B4GALNT3: variants seen among roughly 807,000 people sequenced by gnomAD.
B4GALNT3 encodes the protein beta-1,4-N-acetyl-galactosaminyltransferase 3, also known as beta-1,4-N-acetylgalactosaminyltransferase 3.
Under a neutral mutation model 120.2 loss-of-function variants are expected in B4GALNT3, and 86 were observed. That is an observed-to-expected ratio of 0.72 (90% CI 0.60 to 0.86). The LOEUF is 0.86. B4GALNT3 is among the 40% of genes least tolerant of loss of function. The pLI, the probability that B4GALNT3 is intolerant of heterozygous loss-of-function variation, is 0.00. For missense variants in B4GALNT3, 1,167 were observed against 1,298.9 expected (o/e 0.90, Z 1.56); for synonymous variants, 518 against 510.4 (o/e 1.01, Z -0.20).
chr12:550,074 T>C lies in B4GALNT3; in HGVS notation c.997+162T>C, dbSNP rs1947061109. Among the ~76,000 whole-genome samples the C allele has an allele frequency of 1.3e-5, 2 of 152,254 alleles. No homozygotes were observed. The highest frequency in any genetic ancestry group is 6.5e-5 in the Admixed American group (1 of 15,292). On this transcript the variant is annotated intron_variant, in intron 10 of 19. Coordinates refer to ENST00000266383, the MANE Select transcript of B4GALNT3 (RefSeq NM_173593.4). The surrounding 1 kb of genome is among the most constrained non-coding windows in gnomAD (Gnocchi z 4.1). The stretch of plus-strand genomic sequence containing the variant: ...GAACATGCATACAGAAAAGAGAGCA[T>C]GTAAATAAGTATAAAATATTTACGT...
Position 460,332 on chromosome 12 carries a change from G to T in B4GALNT3, c.-45G>T. 9.9e-7 allele frequency: 1 copy of T among 1,012,626 alleles called. No homozygotes were observed. Among genetic ancestry groups the T allele is most frequent in the South Asian group, 4.5e-5 (1 of 22,258 alleles). 62.7% of individuals were successfully genotyped at this position (1,012,626 alleles called of 1,614,324 possible). ...GGCCCGGCCGGGGGGCGGCGGCTCGGGGGGTTGGAGCCCGCGCTGGCGGCG... is the reference window on the plus strand; with the variant it reads ...GGCCCGGCCGGGGGGCGGCGGCTCGTGGGGTTGGAGCCCGCGCTGGCGGCG... On this transcript the variant is annotated 5_prime_UTR_variant, in exon 1 of 20. Coordinates refer to ENST00000266383, the MANE Select transcript of B4GALNT3 (RefSeq NM_173593.4). This position sits in a 1 kb window ranked among gnomAD's most constrained non-coding sequence, Gnocchi z 8.0.
At chr12:517,060 A>G (rs1418701211) in intron 1 of B4GALNT3, among the ~76,000 whole-genome samples, 3 of 152,134 alleles carry the variant, frequency 2.0e-5, no homozygotes, top group Admixed American at 2.0e-4. Flanking sequence ...GGGAGGAAAA[A>G]TCAAGAGTTA....
chr12:560,905 G>A (rs1392294590), intron 19 of B4GALNT3, among the ~76,000 whole-genome samples: 2 of 152,122 alleles, frequency 1.3e-5, no homozygotes, highest in Non-Finnish European at 2.9e-5. Flanking sequence ...TCTCAGTGCA[G>A]CAGCCCTGCC....
At chr12:484,674 A>G (rs1946273235) in intron 1 of B4GALNT3, among the ~76,000 whole-genome samples, 1 of 152,146 alleles carries the variant, frequency 6.6e-6, no homozygotes, top group South Asian at 2.1e-4. Context: ...GAACACAGCT[A>G]AGCAATGACC....
chr12:510,495 G>A (rs1946536996), intron 1 of B4GALNT3, among the ~76,000 whole-genome samples: 1 of 113,870 alleles, frequency 8.8e-6, no homozygotes, highest in Non-Finnish European at 2.2e-5. Flanking sequence ...TGGGCTGGGA[G>A]GGAAACGGGC....
chr12:498,266 A>G (rs548859778), intron 1 of B4GALNT3, among the ~76,000 whole-genome samples: 1 of 151,974 alleles, frequency 6.6e-6, no homozygotes, highest in African/African-American at 2.4e-5. Context: ...CTGAGAGGTG[A>G]TTTTGAATGA....
At chr12:544,683 G>A (rs1454571189) in intron 4 of B4GALNT3, among the ~76,000 whole-genome samples, 199 bp from the exon 5 acceptor site, 1 of 152,164 alleles carries the variant, frequency 6.6e-6, no homozygotes, top group Non-Finnish European at 1.5e-5. Context: ...ACCATGTACA[G>A]TTGTGCTGGT....
At chr12:528,649 ACT>A (rs1946779256) in intron 1 of B4GALNT3, among the ~76,000 whole-genome samples, 2 of 151,668 alleles carry the variant, frequency 1.3e-5, no homozygotes, top group South Asian at 4.2e-4. Flanking sequence ...TTCACCCCTG[ACT>A]CTCTGTGCCA....
intron 1 of B4GALNT3, among the ~76,000 whole-genome samples, chr12:486,812 TA>T (rs78342695): frequency 0.11 from 16,059 of 152,174 alleles, 992 homozygotes; most frequent in East Asian, 0.21. Context: ...CGAGGCATAC[TA>T]AAAGGGAAAA....
Position 559,357 on chromosome 12 carries a change from G to A in B4GALNT3, c.2824G>A (p.Gly942Arg), listed in dbSNP as rs1947197534. 2.5e-6 allele frequency: 4 copies of A among 1,614,010 alleles called. No individual in the cohort carries two copies. Among genetic ancestry groups the A allele is most frequent in the Non-Finnish European group, 2.5e-6 (3 of 1,179,956 alleles). The change falls in exon 19 of 20, where the codon GGG (glycine) becomes AGG (arginine). Residue 942 changes from glycine to arginine, a missense_variant. By Grantham distance (125) the Gly-to-Arg change is moderately radical. This residue lies in a region of B4GALNT3 where 983 missense variants were observed against 1,102.5 expected (regional missense o/e 0.89). Transcript: ENST00000266383. ...GIYKSDLDRIGGMNTKEFRDR... is the reference protein window; with the variant it reads ...GIYKSDLDRIRGMNTKEFRDR... ...CTACAAGTCTGACCTGGACAGGATT[G>A]GGGGCATGAACACCAAGGAGTTCCG...
intron 19 of B4GALNT3, 118 bp from the exon 20 acceptor site, chr12:561,225 A>T: frequency 1.4e-6 from 1 of 724,930 alleles, no homozygotes; most frequent in Non-Finnish European, 2.4e-6. Flanking sequence ...ACAGCCGTCC[A>T]CTGCACCTGC....
At chr12:505,138 T>C (rs7961546) in intron 1 of B4GALNT3, among the ~76,000 whole-genome samples, 105,748 of 151,642 alleles carry the variant, frequency 0.7, 37,440 homozygotes, top group African/African-American at 0.81. Context: ...GTGATCTGCC[T>C]GCCTTGGCCT....
intron 16 of B4GALNT3, 111 bp from the exon 17 acceptor site, chr12:557,905 C>A: frequency 1.4e-6 from 2 of 1,470,072 alleles, no homozygotes; most frequent in South Asian, 1.2e-5. Flanking sequence ...CTCACCTGCC[C>A]ATAATCCCAT....
intron 1 of B4GALNT3, among the ~76,000 whole-genome samples, chr12:493,485 A>T (rs1366565038): frequency 6.6e-6 from 1 of 152,240 alleles, no homozygotes; most frequent in African/African-American, 2.4e-5. Flanking sequence ...AAAATGGTAC[A>T]GCCACTTTGG....
chr12:468,766 G>C (rs374456395), intron 1 of B4GALNT3, among the ~76,000 whole-genome samples: 107 of 152,292 alleles, frequency 7.0e-4, no homozygotes, highest in African/African-American at 2.5e-3. Flanking sequence ...CCTGCCCAGG[G>C]AATAGACTTC....
Position 553,895 on chromosome 12 carries a change from A to G in B4GALNT3, c.1972A>G (p.Asn658Asp). The change falls in exon 14 of 20, where the codon AAC (asparagine) becomes GAC (aspartate). Residue 658 changes from asparagine to aspartate, a missense_variant. Transcript: ENST00000266383. ...LRTDWIDLSC[N>D]TSGNLLLPEQ... ...GACTGACTGGATCGATCTGAGCTGT[A>G]ACACATCTGGCAACCTGCTGCTTCC... 6.2e-7 allele frequency: 1 copy of G among 1,614,138 alleles called. No homozygotes were observed. The highest frequency in any genetic ancestry group is 2.2e-5 in the East Asian group (1 of 44,874).
intron 1 of B4GALNT3, among the ~76,000 whole-genome samples, chr12:484,146 G>A (rs561888917): frequency 6.6e-6 from 1 of 152,152 alleles, no homozygotes; most frequent in South Asian, 2.1e-4. Context: ...ATCGTTCCTT[G>A]ACCCCATCAG....
At chr12:544,029 A>G (rs1317709093) in intron 3 of B4GALNT3, among the ~76,000 whole-genome samples, 1 of 89,296 alleles carries the variant, frequency 1.1e-5, no homozygotes, top group Non-Finnish European at 2.2e-5. Flanking sequence ...GGAGCTGAGG[A>G]GCTGGGGCGG....
intron 1 of B4GALNT3, among the ~76,000 whole-genome samples, chr12:531,284 A>T (rs1446510530): frequency 1.3e-5 from 2 of 151,882 alleles, no homozygotes; most frequent in Admixed American, 1.3e-4. Context: ...TGAAACAAAG[A>T]GGGGGTGTTA....
Sources: gnomAD v4.1 joint callset for allele counts (sites outside exome capture counted in the v4.1 genomes callset) on GRCh38, gnomAD v4.1.1 for gene constraint, gnomAD v4.1.1 regional missense constraint, Gnocchi (gnomAD v3.1) non-coding constraint, MANE v1.5 for transcripts, NCBI Gene and HGNC (gene_info 2026-07-23, HGNC 2026-07-21) for gene names.